The following SLC49A4 variants were observed in gnomAD, a reference collection of about 807,000 sequenced individuals.
The protein encoded by SLC49A4 is disrupted in renal cancer protein 2.
In SLC49A4, 36 loss-of-function variants were observed where a neutral mutation model predicts 50.6. That is an observed-to-expected ratio of 0.71 (90% CI 0.55 to 0.94). The LOEUF is 0.94. Ranked by LOEUF, SLC49A4 falls within the 40% of genes least tolerant of loss-of-function variation. The probability of loss-of-function intolerance (pLI) is 0.00; values close to 1 mark genes in which losing one functional copy is unlikely to be tolerated. For missense variants in SLC49A4, 503 were observed against 605.7 expected, an observed-to-expected ratio of 0.83 and a Z score of 1.78; for synonymous variants, 248 against 241.2, an observed-to-expected ratio of 1.03 and a Z score of -0.26.
intron 5 of SLC49A4, among the ~76,000 whole-genome samples, chr3:122,847,350 A>AT (rs56148238): frequency 0.54 from 75,117 of 139,216 alleles, 21,061 homozygotes; most frequent in East Asian, 0.67. Context: ...ACAGTGTACA[A>AT]TTTTTTTTTT....
chr3:122,797,551 T>C (rs1246899687), intron 1 of SLC49A4, among the ~76,000 whole-genome samples: 6 of 152,248 alleles, frequency 3.9e-5, no homozygotes, highest in Non-Finnish European at 7.3e-5. Flanking sequence ...GGGTGTGTCT[T>C]GACTGCTGTA....
chr3:122,806,874 C>T lies in SLC49A4; in HGVS notation c.361C>T (p.Leu121Phe), dbSNP rs1936225948. 6.2e-7 allele frequency: 1 copy of T among 1,607,002 alleles called. No individual in the cohort carries two copies. Among genetic ancestry groups the T allele is most frequent in the African/African-American group, 1.3e-5 (1 of 74,722 alleles). ...CATTTTAGGTCTCCGGATAACTGTG[C>T]TCCTGACATCCTTCCTTATGGTTTT... The part of the protein sequence containing the change: ...LDKRGLRITV[L>F]LTSFLMVLGT... Residue 121 changes from leucine (L) to phenylalanine (F), a missense_variant, in exon 2 of 9, where the codon CTC becomes TTC. Leu to Phe is a conservative substitution (Grantham distance 22). Transcript: ENST00000261038.
At chr3:122,814,990 T>C (rs923491130) in intron 2 of SLC49A4, among the ~76,000 whole-genome samples, 2 of 152,184 alleles carry the variant, frequency 1.3e-5, no homozygotes, top group African/African-American at 4.8e-5. Flanking sequence ...GCCCCTTCTC[T>C]GTTGTTGCTC....
In SLC49A4 at chr3:122,795,157, T is replaced by A. The variant is rs951783626; in HGVS notation, c.-36T>A. 3.1e-6 allele frequency: 4 copies of A among 1,308,628 alleles called. No homozygotes were observed. Among genetic ancestry groups the A allele is most frequent in the Admixed American group, 8.4e-5 (2 of 23,816 alleles). 81.1% of individuals were successfully genotyped at this position (1,308,628 alleles called of 1,614,324 possible). ...TGGGCTAGTCGGCGGTGACCCGGAC[T>A]GCGCCCGGCAGTGGCTTCGCGGGCG... On this transcript the variant is annotated 5_prime_UTR_variant, in exon 1 of 9. Coordinates refer to ENST00000261038, the MANE Select transcript of SLC49A4 (RefSeq NM_032839.3).
chr3:122,880,420 A>G lies in SLC49A4; in HGVS notation c.*1042A>G, dbSNP rs992304474. The G allele has an allele frequency of 1.3e-5, 2 of 152,290 alleles. No individual in the cohort carries two copies. Among genetic ancestry groups the G allele is most frequent in the Non-Finnish European group, 2.9e-5 (2 of 68,020 alleles). The allele number at this position is 152,290 out of a possible 1,614,324, so 9.4% of individuals were successfully genotyped here. ...AGAGGGCAGCGTTTTGCCAGTACCT[A>G]TCTTCTTTCTACAGAAGATAGCTTT... On this transcript the variant is annotated 3_prime_UTR_variant, in exon 9 of 9. Coordinates refer to ENST00000261038, the MANE Select transcript of SLC49A4 (RefSeq NM_032839.3).
intron 7 of SLC49A4, among the ~76,000 whole-genome samples, chr3:122,865,104 T>C (rs934971129): frequency 1.3e-5 from 2 of 152,246 alleles, no homozygotes; most frequent in Non-Finnish European, 2.9e-5. Flanking sequence ...TCTTAACTAC[T>C]GTTTTCAATT....
intron 8 of SLC49A4, among the ~76,000 whole-genome samples, chr3:122,874,814 T>G (rs925437161): frequency 2.0e-5 from 3 of 152,194 alleles, no homozygotes; most frequent in Non-Finnish European, 4.4e-5. Context: ...AGGCAGTTAA[T>G]GAGAAGATAC....
intron 5 of SLC49A4, 65 bp from the exon 6 acceptor site, chr3:122,856,242 T>G (rs1258668230): frequency 1.7e-5 from 27 of 1,546,418 alleles, no homozygotes; most frequent in Non-Finnish European, 2.4e-5. Flanking sequence ...GAGGACTTTT[T>G]TTCATTCCTT....
intron 7 of SLC49A4, among the ~76,000 whole-genome samples, chr3:122,861,561 C>G (rs1385777369): frequency 6.6e-6 from 1 of 152,058 alleles, no homozygotes; most frequent in Non-Finnish European, 1.5e-5. Flanking sequence ...GACCTATTGC[C>G]CAGTGGCATG....
rs560383308 is a variant in SLC49A4, at chr3:122,834,237, G to A, written c.833+791G>A. On this transcript the variant is annotated intron_variant, in intron 4 of 8. Coordinates refer to ENST00000261038, the MANE Select transcript of SLC49A4 (RefSeq NM_032839.3). The stretch of plus-strand genomic sequence containing the variant: ...GTAAGTTTCTTGTGGTCAAGAAGCA[G>A]TATCTATGTCTTTACATCTGCTGCA... Among the ~76,000 whole-genome samples the A allele has an allele frequency of 2.6e-5, 4 of 152,248 alleles. 1 individual carries two copies. In the South Asian group the frequency reaches 8.3e-4, roughly 32 times the overall value.
intron 4 of SLC49A4, among the ~76,000 whole-genome samples, chr3:122,842,262 G>A (rs894286516): frequency 2.2e-4 from 34 of 151,862 alleles, no homozygotes; most frequent in African/African-American, 7.5e-4. Flanking sequence ...CGAGGCGGGC[G>A]GATCACGAGG....
In SLC49A4 at chr3:122,795,334, T is replaced by A. The variant is rs768050972; in HGVS notation, c.142T>A (p.Tyr48Asn). The A allele has an allele frequency of 2.6e-6, 4 of 1,544,018 alleles. No individual in the cohort carries two copies. Among genetic ancestry groups the A allele is most frequent in the Non-Finnish European group, 3.5e-6 (4 of 1,155,184 alleles). The change falls in exon 1 of 9, where the codon TAC (tyrosine) becomes AAC (asparagine). Residue 48 changes from tyrosine to asparagine, a missense_variant. Coordinates refer to ENST00000261038, the MANE Select transcript of SLC49A4 (RefSeq NM_032839.3). ...GGCGGTCCCGGGTCCCGGGCGGGTA[T>A]ACGGGCGCCGCTGGCTGGTGCTGCT... ...PAAVPGPGRV[Y>N]GRRWLVLLLF...
At chr3:122,810,534 G>T (rs1349051304) in intron 2 of SLC49A4, among the ~76,000 whole-genome samples, 1 of 152,136 alleles carries the variant, frequency 6.6e-6, no homozygotes, top group Non-Finnish European at 1.5e-5. Context: ...ATATCTGCTC[G>T]TAATCATAGG....
In SLC49A4 at chr3:122,795,373, C is replaced by A; in HGVS notation, c.181C>A (p.Leu61Met). The A allele has an allele frequency of 6.3e-7, 1 of 1,599,028 alleles. No homozygotes were observed. Among genetic ancestry groups the A allele is most frequent in the Non-Finnish European group, 8.5e-7 (1 of 1,176,532 alleles). ...RWLVLLLFSL[L>M]AFVQGLVWNT... ...GCTGGTGCTGCTGCTCTTCTCGCTG[C>A]TGGCGTTCGTTCAGGGCCTGGTCTG... The change falls in exon 1 of 9, where the codon CTG (leucine) becomes ATG (methionine). Residue 61 changes from leucine to methionine, a missense_variant. Physicochemically the swap from Leu to Met is conservative, Grantham distance 15. Transcript: ENST00000261038.
intron 2 of SLC49A4, among the ~76,000 whole-genome samples, chr3:122,813,208 T>G (rs553892350): frequency 6.7e-6 from 1 of 149,968 alleles, no homozygotes; most frequent in Admixed American, 6.7e-5. Context: ...ACCACTGCAC[T>G]CTACCCTGGG....
At position 122,842,359 on chromosome 3, in the gene SLC49A4, G is replaced by A. The variant is rs539631187; in HGVS notation, c.834-3404G>A. ...AAATTAACCGGGCTTGGTAGCGGGT[G>A]CCTGTAGTCCCAGCTACTCGGGAGG... On this transcript the variant is annotated intron_variant, in intron 4 of 8. Coordinates refer to ENST00000261038, the MANE Select transcript of SLC49A4 (RefSeq NM_032839.3). Among the ~76,000 whole-genome samples the A allele has an allele frequency of 2.6e-4, 40 of 152,112 alleles. No homozygotes were observed. In the East Asian group the frequency reaches 7.0e-3, roughly 27 times the overall value.
At position 122,879,306 on chromosome 3, in the gene SLC49A4, C is replaced by A. The variant is rs1157502665; in HGVS notation, c.1365C>A (p.Leu455=). Residue 455 remains leucine (L), a synonymous_variant, in exon 9 of 9, where the codon CTC becomes CTA. Transcript: ENST00000261038. ...FNWCLPGSCL[L]SLLLILCFRE... ...GGTGCCTTCCCGGGTCGTGTTTGCT[C>A]AGTCTCCTCCTCATTCTGTGCTTCA... is the stretch of plus-strand genomic sequence containing the variant. 3 of 1,613,952 alleles carry A rather than the reference C, an allele frequency of 1.9e-6. No individual in the cohort carries two copies. The East Asian group carries it at 6.7e-5, about 36-fold the overall frequency.
chr3:122,798,499 A>G (rs1300274973), intron 1 of SLC49A4, among the ~76,000 whole-genome samples: 1 of 152,032 alleles, frequency 6.6e-6, no homozygotes, highest in Non-Finnish European at 1.5e-5. Flanking sequence ...TCTCTTTATT[A>G]GGAAGTAGTT....
At chr3:122,800,639 A>T (rs1489601074) in intron 1 of SLC49A4, among the ~76,000 whole-genome samples, 2 of 152,172 alleles carry the variant, frequency 1.3e-5, no homozygotes, top group African/African-American at 2.4e-5. Flanking sequence ...GCAAGATGGG[A>T]TGTGGTCCTC....
Sources: allele counts gnomAD v4.1 joint callset (sites outside exome capture counted in the v4.1 genomes callset), GRCh38; gene constraint gnomAD v4.1.1; transcripts MANE v1.5; gene names NCBI Gene and HGNC (gene_info 2026-07-23, HGNC 2026-07-21).